Variants in IQCH observed in about 807,000 individuals in gnomAD.
IQCH encodes the protein IQ motif containing H, also known as IQ domain-containing protein H.
In IQCH, 98 loss-of-function variants were observed where a neutral mutation model predicts 117.0. That is an observed-to-expected ratio of 0.84 (90% CI 0.71 to 0.99). The LOEUF is 0.99. IQCH is among the 50% of genes least tolerant of loss of function. The pLI is 0.00. For missense variants in IQCH, 1,102 were observed against 1,243.8 expected, an observed-to-expected ratio of 0.89 and a Z score of 1.72; for synonymous variants, 412 against 448.2, an observed-to-expected ratio of 0.92 and a Z score of 1.02.
chr15:67,469,467 C>T (rs1275738085), intron 17 of IQCH, among the ~76,000 whole-genome samples: 1 of 152,148 alleles, frequency 6.6e-6, no homozygotes, highest in Non-Finnish European at 1.5e-5. Context: ...ACAGCCTTCG[C>T]TTAAAAGGTC....
Position 67,372,467 on chromosome 15 carries a change from G to T in IQCH, c.1110G>T (p.Ser370=), listed in dbSNP as rs201710273. The T allele has an allele frequency of 6.2e-7, 1 of 1,613,972 alleles. No individual in the cohort carries two copies. The highest frequency in any genetic ancestry group is 8.5e-7 in the Non-Finnish European group (1 of 1,179,978). ...GGTACAAGGGCCAAGATGGAAATTCGGAGGCCGCCATGAAGATCCAAGCCA... is the reference window on the plus strand; with the variant it reads ...GGTACAAGGGCCAAGATGGAAATTCTGAGGCCGCCATGAAGATCCAAGCCA... The part of the protein sequence containing the change: ...GQRYKGQDGN[S]EAAMKIQATW... The change falls in exon 9 of 21, where the codon TCG becomes TCT. Residue 370 remains serine (S), a synonymous_variant. Transcript: ENST00000335894.
At chr15:67,315,883 C>G (rs572470823) in intron 4 of IQCH, among the ~76,000 whole-genome samples, 1 of 152,228 alleles carries the variant, frequency 6.6e-6, no homozygotes, top group East Asian at 1.9e-4. Context: ...TACGTCCTAT[C>G]TGAGTAATTA....
At chr15:67,357,853 C>CATT (rs747814689) in intron 7 of IQCH, among the ~76,000 whole-genome samples, 1 of 151,586 alleles carries the variant, frequency 6.6e-6, no homozygotes, top group Non-Finnish European at 1.5e-5. Flanking sequence ...TCTGTATTAT[C>CATT]ATTATTATTA....
chr15:67,294,988 T>C (rs1384746583), intron 4 of IQCH, among the ~76,000 whole-genome samples: 4 of 152,192 alleles, frequency 2.6e-5, no homozygotes, highest in Admixed American at 2.0e-4. Context: ...GGTCTGACTT[T>C]AATTTTATGA....
chr15:67,413,769 G>A lies in IQCH; in HGVS notation c.2098-3162G>A, dbSNP rs1415493682. ...CAGCATCCCTACTGAATGTCACCCCGCCAGTGCCTTCAGCTGTGTACCTCT... is the reference window on the plus strand; with the variant it reads ...CAGCATCCCTACTGAATGTCACCCCACCAGTGCCTTCAGCTGTGTACCTCT... On this transcript the variant is annotated intron_variant, in intron 14 of 20. Coordinates refer to ENST00000335894, the MANE Select transcript of IQCH (RefSeq NM_001031715.3). The surrounding 1 kb of genome is among the most constrained non-coding windows in gnomAD (Gnocchi z 5.0). Among the ~76,000 whole-genome samples, 2 of 152,006 alleles carry A rather than the reference G, an allele frequency of 1.3e-5. No individual in the cohort carries two copies. The highest frequency in any genetic ancestry group is 2.4e-5 in the African/African-American group (1 of 41,364).
At chr15:67,279,254 A>G (rs1966251110) in intron 3 of IQCH, 141 bp from the exon 4 acceptor site, 1 of 571,052 alleles carries the variant, frequency 1.8e-6, no homozygotes, top group Non-Finnish European at 3.1e-6. Context: ...AATAATAAAG[A>G]TTGGTTTAAT....
intron 1 of IQCH, among the ~76,000 whole-genome samples, chr15:67,259,989 T>C (rs1344773231): frequency 1.3e-5 from 2 of 152,252 alleles, no homozygotes; most frequent in East Asian, 1.9e-4. Flanking sequence ...TAAATTCTGA[T>C]CTTTTGAATA....
chr15:67,359,739 C>G lies in IQCH; in HGVS notation c.715-108C>G. 1 of 927,432 alleles carries G rather than the reference C, an allele frequency of 1.1e-6. No homozygotes were observed. The allele number at this position is 927,432 out of a possible 1,614,324, so 57.5% of individuals were successfully genotyped here. On this transcript the variant is annotated intron_variant, in intron 7 of 20. Transcript: ENST00000335894. This position sits in a 1 kb window ranked among gnomAD's most constrained non-coding sequence, Gnocchi z 4.5. ...CGTGGAAAGAGAGAACAGGCTGGCCCAGCGGGTAAAATGGGGAAGGGGGTG... is the reference window on the plus strand; with the variant it reads ...CGTGGAAAGAGAGAACAGGCTGGCCGAGCGGGTAAAATGGGGAAGGGGGTG...
chr15:67,276,710 A>G (rs1966139345), intron 3 of IQCH, among the ~76,000 whole-genome samples: 1 of 152,080 alleles, frequency 6.6e-6, no homozygotes, highest in South Asian at 2.1e-4. Context: ...ATCAATAGGT[A>G]AGGTAATTTT....
At chr15:67,480,051 A>C (rs1270401321) in intron 18 of IQCH, among the ~76,000 whole-genome samples, 1 of 152,172 alleles carries the variant, frequency 6.6e-6, no homozygotes, top group Non-Finnish European at 1.5e-5. Flanking sequence ...CCATATGGAG[A>C]AAGGCGTCAT....
chr15:67,465,309 G>A lies in IQCH; in HGVS notation c.2676+12G>A, dbSNP rs2082903324. On this transcript the variant is annotated intron_variant, in intron 17 of 20. Coordinates refer to ENST00000335894, the MANE Select transcript of IQCH (RefSeq NM_001031715.3). This position sits in a 1 kb window ranked among gnomAD's most constrained non-coding sequence, Gnocchi z 5.9. ...CGCTGTCAATGCCGGTAAGCAAGAG[G>A]TGCTTCCTGAAGGTTCTCGGTGTTC... 6.2e-7 allele frequency: 1 copy of A among 1,611,264 alleles called. No individual in the cohort carries two copies. The highest frequency in any genetic ancestry group is 8.5e-7 in the Non-Finnish European group (1 of 1,179,748).
At chr15:67,396,350 G>A (rs895215217) in intron 13 of IQCH, among the ~76,000 whole-genome samples, 2 of 152,014 alleles carry the variant, frequency 1.3e-5, no homozygotes, top group Admixed American at 1.3e-4. Context: ...GAAGGGGGAA[G>A]TAAGACAGCT....
intron 4 of IQCH, among the ~76,000 whole-genome samples, chr15:67,298,638 G>A (rs1966878903): frequency 6.6e-6 from 1 of 152,092 alleles, no homozygotes; most frequent in African/African-American, 2.4e-5. Flanking sequence ...GGCCGAGGTG[G>A]GCAGATCATT....
chr15:67,413,676 G>C lies in IQCH; in HGVS notation c.2098-3255G>C, dbSNP rs892273412. 6.6e-6 allele frequency: 1 copy of C among 151,996 alleles called. No individual in the cohort carries two copies. The highest frequency in any genetic ancestry group is 6.6e-5 in the Admixed American group (1 of 15,254). The allele number at this position is 151,996 out of a possible 1,614,324, so 9.4% of individuals were successfully genotyped here. Reference sequence around the variant, plus strand: ...GTTAATACCCCTCTCCTCTTACCTCGCATTATTCCTCTCCATGCCTTTTTT... The same window carrying C: ...GTTAATACCCCTCTCCTCTTACCTCCCATTATTCCTCTCCATGCCTTTTTT... On this transcript the variant is annotated intron_variant, in intron 14 of 20. Coordinates refer to ENST00000335894, the MANE Select transcript of IQCH (RefSeq NM_001031715.3). This position sits in a 1 kb window ranked among gnomAD's most constrained non-coding sequence, Gnocchi z 5.0.
rs1321016399 is a variant in IQCH, at chr15:67,476,001, A to G, written c.2799+183A>G. 6.6e-6 allele frequency among the ~76,000 whole-genome samples: 1 copy of G among 152,268 alleles called. No individual in the cohort carries two copies. Among genetic ancestry groups the G allele is most frequent in the East Asian group, 1.9e-4 (1 of 5,206 alleles). ...CGCAACTCCACAGAAAGTAGCACAT[A>G]GTCCTGGAAAGTTCTACTTCGTCTC... On this transcript the variant is annotated intron_variant, in intron 18 of 20. Coordinates refer to ENST00000335894, the MANE Select transcript of IQCH (RefSeq NM_001031715.3). The surrounding 1 kb of genome is among the most constrained non-coding windows in gnomAD (Gnocchi z 4.1).
chr15:67,303,155 C>A (rs1171396823), intron 4 of IQCH, among the ~76,000 whole-genome samples: 1 of 152,168 alleles, frequency 6.6e-6, no homozygotes, highest in Admixed American at 6.5e-5. Flanking sequence ...AGGTTGCTCA[C>A]AATACTTCTA....
rs117908570 is a variant in IQCH, at chr15:67,256,692, G to A, written c.51+1745G>A. On this transcript the variant is annotated intron_variant, in intron 1 of 20. Transcript: ENST00000335894. ...AACAATAATGGAGACTCTTACCTAGGATACAACATTATAGTAATAGATAAC... is the reference window on the plus strand; with the variant it reads ...AACAATAATGGAGACTCTTACCTAGAATACAACATTATAGTAATAGATAAC... Among the ~76,000 whole-genome samples the A allele has an allele frequency of 1.6e-3, 240 of 152,204 alleles. 1 individual carries two copies. Among genetic ancestry groups the A allele is most frequent in the Middle Eastern group, 3.4e-3 (1 of 294 alleles).
intron 4 of IQCH, among the ~76,000 whole-genome samples, chr15:67,324,181 G>A (rs953292794): frequency 1.3e-5 from 2 of 151,460 alleles, no homozygotes; most frequent in African/African-American, 4.8e-5. Context: ...TCCTCACCTT[G>A]TGATCCATCC....
intron 18 of IQCH, among the ~76,000 whole-genome samples, chr15:67,478,807 C>T (rs1211084883): frequency 6.6e-6 from 1 of 151,890 alleles, no homozygotes; most frequent in African/African-American, 2.4e-5. Context: ...GCCTGTAATC[C>T]TAGCTACTCG....
Sources: gnomAD v4.1 joint callset for allele counts (sites outside exome capture counted in the v4.1 genomes callset) on GRCh38, gnomAD v4.1.1 for gene constraint, Gnocchi (gnomAD v3.1) non-coding constraint, MANE v1.5 for transcripts, NCBI Gene and HGNC (gene_info 2026-07-23, HGNC 2026-07-21) for gene names.